Variants in ZNF57 observed in about 807,000 individuals in gnomAD.
ZNF57 encodes zinc finger protein 57.
ZNF57 carries 11 observed loss-of-function variants against 13.4 expected under a neutral mutation model. That is an observed-to-expected ratio of 0.82 (90% confidence interval 0.52 to 1.36). The LOEUF (loss-of-function observed/expected upper bound fraction) is 1.36. Among genes scored for constraint, ZNF57 ranks in the 40% most tolerant of loss-of-function variants. The pLI is 0.00. For missense variants in ZNF57, 696 were observed against 667.5 expected, an observed-to-expected ratio of 1.04 and a Z score of -0.47; for synonymous variants, 224 against 238.5, an observed-to-expected ratio of 0.94 and a Z score of 0.56.
intron 1 of ZNF57, among the ~76,000 whole-genome samples, chr19:2,911,227 C>T (rs4807361): frequency 6.6e-6 from 1 of 152,014 alleles, no homozygotes; most frequent in Non-Finnish European, 1.5e-5. Context: ...CCAAGCCCAG[C>T]TTATTTTTAA....
chr19:2,917,038 A>G lies in ZNF57; in HGVS notation c.417A>G (p.Pro139=). ...LHKKVSAGEK[P]YECTKCRTVF... is the part of the protein sequence containing the mutation. ...AGAAAGTTTCTGCTGGAGAAAAACCATATGAATGCACCAAGTGCAGGACAG... is the reference window on the plus strand; with the variant it reads ...AGAAAGTTTCTGCTGGAGAAAAACCGTATGAATGCACCAAGTGCAGGACAG... Residue 139 remains proline (P), a synonymous_variant, in exon 4 of 4, where the codon CCA becomes CCG. Transcript: ENST00000306908. 1 of 1,614,208 alleles carries G rather than the reference A, an allele frequency of 6.2e-7. No individual in the cohort carries two copies. Among genetic ancestry groups the G allele is most frequent in the Non-Finnish European group, 8.5e-7 (1 of 1,180,040 alleles).
intron 1 of ZNF57, among the ~76,000 whole-genome samples, chr19:2,903,881 A>C (rs574971018): frequency 2.6e-4 from 40 of 151,696 alleles, no homozygotes; most frequent in African/African-American, 9.0e-4. Context: ...TCGCCCGGCT[A>C]ATTTTTTGTA....
intron 1 of ZNF57, among the ~76,000 whole-genome samples, chr19:2,913,163 C>G (rs10425674): frequency 0.86 from 130,150 of 152,204 alleles, 55,991 homozygotes; most frequent in Middle Eastern, 0.91. Context: ...CATATTGGCT[C>G]AGCTGGTCTC....
At chr19:2,915,730 G>A (rs1237331389) in intron 2 of ZNF57, 82 bp downstream of exon 2, 2 of 1,604,150 alleles carry the variant, frequency 1.2e-6, no homozygotes, top group Non-Finnish European at 1.7e-6. Context: ...TGTGAAATGT[G>A]GGAAAGGACT....
chr19:2,902,797 C>T (rs1185360864), intron 1 of ZNF57, among the ~76,000 whole-genome samples: 3 of 152,184 alleles, frequency 2.0e-5, no homozygotes, highest in Non-Finnish European at 2.9e-5. Context: ...AAAGCAGTTT[C>T]TGGCCATGTA....
chr19:2,903,843 G>T (rs949524075), intron 1 of ZNF57, among the ~76,000 whole-genome samples: 2 of 151,718 alleles, frequency 1.3e-5, no homozygotes, highest in Non-Finnish European at 2.9e-5. Flanking sequence ...AGCCTCCTGC[G>T]TAGCTGGGAC....
At position 2,917,179 on chromosome 19, in the gene ZNF57, C is replaced by T. The variant is rs61742110; in HGVS notation, c.558C>T (p.His186=). ...TTTGTCCCTCACACCTACACAGTCA[C>T]GGAAGAACTGACACTGAGGAGAAGC... ...ACICPSHLHS[H]GRTDTEEKPY... The change falls in exon 4 of 4, where the codon CAC becomes CAT. Residue 186 remains histidine (H), a synonymous_variant. Coordinates refer to ENST00000306908, the MANE Select transcript of ZNF57 (RefSeq NM_173480.3). 1.2e-4 allele frequency: 187 copies of T among 1,614,028 alleles called. No individual in the cohort carries two copies. The highest frequency in any genetic ancestry group is 1.4e-4 in the Non-Finnish European group (164 of 1,180,042).
rs142514697 is a variant in ZNF57 at position 2,917,876 on chromosome 19, C to G, written c.1255C>G (p.Pro419Ala). 2.4e-5 allele frequency: 39 copies of G among 1,612,010 alleles called. No homozygotes were observed. In the African/African-American group the frequency reaches 4.8e-4, roughly 20 times the overall value. The part of the protein sequence containing the change: ...GHLRTHTGEK[P>A]YECKQCGKTF... Reference sequence around the variant, plus strand: ...TTTGAGGACGCACACTGGAGAGAAGCCTTATGAGTGTAAACAATGTGGAAA... The same window carrying G: ...TTTGAGGACGCACACTGGAGAGAAGGCTTATGAGTGTAAACAATGTGGAAA... Residue 419 changes from proline (P) to alanine (A), a missense_variant, in exon 4 of 4, where the codon CCT (proline) becomes GCT (alanine). By Grantham distance (27) the Pro-to-Ala change is conservative (BLOSUM62 -1). Transcript: ENST00000306908.
In ZNF57 at chr19:2,918,206, C is replaced by G. The variant is rs1376642931; in HGVS notation, c.1585C>G (p.Gln529Glu). Residue 529 changes from glutamine to glutamate, a missense_variant, in exon 4 of 4, where the codon CAG (glutamine) becomes GAG (glutamate). Physicochemically the swap from Gln to Glu is conservative, Grantham distance 29. Around this residue, in one of 3 missense-constraint regions of ZNF57, gnomAD observed 645 missense variants for 591.5 expected, o/e 1.09. Coordinates refer to ENST00000306908, the MANE Select transcript of ZNF57 (RefSeq NM_173480.3). ...GAACCATCTGAGGATGCACACAGGA[C>G]AGAAATCCCACGAATGTCAGTCATA... Reference protein sequence around the residue: ...FRNHLRMHTGQKSHECQSYSK... With the variant: ...FRNHLRMHTGEKSHECQSYSK... The G allele has an allele frequency of 3.7e-6, 6 of 1,614,096 alleles. No individual in the cohort carries two copies. The Admixed American group carries it at 1.0e-4, about 27-fold the overall frequency.
chr19:2,917,391 G>A lies in ZNF57; in HGVS notation c.770G>A (p.Cys257Tyr). Residue 257 changes from cysteine (C) to tyrosine (Y), a missense_variant, in exon 4 of 4, where the codon TGT (cysteine) becomes TAT (tyrosine). Physicochemically the swap from Cys to Tyr is radical, Grantham distance 194 (BLOSUM62 -2). Around this residue, in one of 3 missense-constraint regions of ZNF57, gnomAD observed 645 missense variants for 591.5 expected, o/e 1.09. Transcript: ENST00000306908. The part of the protein sequence containing the change: ...TKDRPYKCQE[C>Y]GRAFIYPSTF... ...GACAGGCCATATAAATGTCAGGAAT[G>A]TGGGAGAGCCTTCATTTATCCCTCG... 6.2e-7 allele frequency: 1 copy of A among 1,614,220 alleles called. No individual in the cohort carries two copies. The highest frequency in any genetic ancestry group is 1.7e-5 in the Admixed American group (1 of 60,014).
At chr19:2,911,108 G>C (rs2088130615) in intron 1 of ZNF57, among the ~76,000 whole-genome samples, 1 of 151,970 alleles carries the variant, frequency 6.6e-6, no homozygotes, top group Non-Finnish European at 1.5e-5. Context: ...TATCAGCCAG[G>C]TTGGAGTGCA....
chr19:2,902,324 G>T (rs1373127215), intron 1 of ZNF57, among the ~76,000 whole-genome samples: 1 of 152,094 alleles, frequency 6.6e-6, no homozygotes, highest in Admixed American at 6.6e-5. Flanking sequence ...GTACTGTACT[G>T]TTCTCCTGTT....
At chr19:2,912,333 A>G (rs1483572553) in intron 1 of ZNF57, 1 of 152,222 alleles carries the variant, frequency 6.6e-6, no homozygotes, top group Non-Finnish European at 1.5e-5. Context: ...AGGCCCGGTG[A>G]GAAAGAGCAG....
intron 1 of ZNF57, among the ~76,000 whole-genome samples, chr19:2,911,934 A>G (rs1232800934): frequency 6.6e-6 from 1 of 152,156 alleles, no homozygotes; most frequent in Non-Finnish European, 1.5e-5. Context: ...TGATAATTCC[A>G]ATGTCCCTGC....
At chr19:2,901,529 T>TTA (rs955847647) in intron 1 of ZNF57, among the ~76,000 whole-genome samples, 1 of 151,408 alleles carries the variant, frequency 6.6e-6, no homozygotes, top group Non-Finnish European at 1.5e-5. Context: ...TTTTTTATTT[T>TTA]TTTTATTTTT....
In ZNF57 at chr19:2,917,288, A is replaced by C. The variant is rs764385058; in HGVS notation, c.667A>C (p.Thr223Pro). Reference sequence around the variant, plus strand: ...CGTAAAGACTCACACAGCAGAGAAAACCTACAAATGCGAGCAGTGTCGGAT... The same window carrying C: ...CGTAAAGACTCACACAGCAGAGAAACCCTACAAATGCGAGCAGTGTCGGAT... Reference protein sequence around the residue: ...HHVKTHTAEKTYKCEQCRMAF... With the variant: ...HHVKTHTAEKPYKCEQCRMAF... Residue 223 changes from threonine to proline, a missense_variant, in exon 4 of 4, where the codon ACC becomes CCC. Physicochemically the swap from Thr to Pro is conservative, Grantham distance 38. Transcript: ENST00000306908. 6.2e-7 allele frequency: 1 copy of C among 1,614,074 alleles called. No individual in the cohort carries two copies. Among genetic ancestry groups the C allele is most frequent in the South Asian group, 1.1e-5 (1 of 91,074 alleles).
rs375099567 is a variant in ZNF57, at chr19:2,917,148, C to G, written c.527C>G (p.Ala176Gly). Reference protein sequence around the residue: ...KAPPGEECKQACICPSHLHSH... With the variant: ...KAPPGEECKQGCICPSHLHSH... ...CCTCCAGGTGAGGAATGTAAGCAGG[C>G]CTGCATTTGTCCCTCACACCTACAC... The change falls in exon 4 of 4, where the codon GCC becomes GGC. Residue 176 changes from alanine to glycine, a missense_variant. Coordinates refer to ENST00000306908, the MANE Select transcript of ZNF57 (RefSeq NM_173480.3). 5 of 1,614,132 alleles carry G rather than the reference C, an allele frequency of 3.1e-6. No homozygotes were observed. In the East Asian group the frequency reaches 8.9e-5, roughly 29 times the overall value.
rs2088077434 is a variant in ZNF57, at chr19:2,906,619, C to T, written c.3+5571C>T. Among the ~76,000 whole-genome samples the T allele has an allele frequency of 3.3e-5, 5 of 152,208 alleles. No individual in the cohort carries two copies. The South Asian group carries it at 8.3e-4, about 25-fold the overall frequency. On this transcript the variant is annotated intron_variant, in intron 1 of 3. Coordinates refer to ENST00000306908, the MANE Select transcript of ZNF57 (RefSeq NM_173480.3). ...CCAGTAAAGAAACAGTCCAAAGCCA[C>T]ACGGTCATCTGCTGCGTGGCTACCA...
In ZNF57 at chr19:2,917,673, T is replaced by G. The variant is rs1349069215; in HGVS notation, c.1052T>G (p.Phe351Cys). The G allele has an allele frequency of 6.8e-6, 11 of 1,614,010 alleles. No individual in the cohort carries two copies. The highest frequency in any genetic ancestry group is 8.5e-6 in the Non-Finnish European group (10 of 1,179,986). Residue 351 changes from phenylalanine (F) to cysteine (C), a missense_variant, in exon 4 of 4, where the codon TTC becomes TGC. Transcript: ENST00000306908. ...AAGGCTTTTACCTCTTCCAGATCATTCCAAGGTCATTTGAGGACGCACACT... is the reference window on the plus strand; with the variant it reads ...AAGGCTTTTACCTCTTCCAGATCATGCCAAGGTCATTTGAGGACGCACACT... ...CGKAFTSSRS[F>C]QGHLRTHTGE...
Sources: gnomAD v4.1 joint callset for allele counts (sites outside exome capture counted in the v4.1 genomes callset) on GRCh38, gnomAD v4.1.1 for gene constraint, gnomAD v4.1.1 regional missense constraint, MANE v1.5 for transcripts, NCBI Gene and HGNC (gene_info 2026-07-23, HGNC 2026-07-21) for gene names.